Variants in TAF9B observed in about 807,000 individuals in gnomAD.
TAF9B encodes the protein transcription initiation factor TFIID subunit 9B.
A neutral mutation model predicts 17.6 loss-of-function variants in TAF9B; 47 were observed. That is an observed-to-expected ratio of 2.68 (90% confidence interval 2.12 to 3.41). The LOEUF (loss-of-function observed/expected upper bound fraction) is 3.41. TAF9B is among the 30% of genes most tolerant of loss of function. The pLI, the probability that TAF9B is intolerant of heterozygous loss-of-function variation, is 0.00. For synonymous variants in TAF9B, 84 were observed against 68.7 expected, an observed-to-expected ratio of 1.22 and a Z score of -1.10; for missense variants, 218 against 189.3, an observed-to-expected ratio of 1.15 and a Z score of -0.89.
chrX:78,136,619 C>T (rs781822151), intron 5 of TAF9B, among the ~76,000 whole-genome samples: 4 of 111,700 alleles, frequency 3.6e-5, no homozygotes, highest in African/African-American at 9.8e-5. Flanking sequence ...TTATAGAAGG[C>T]GTAAAGTACA....
In TAF9B at chrX:78,130,935, G is replaced by GGAAAATGACACT. The variant is rs1214055454; in HGVS notation, c.*663_*674dup. ...GCATGTAGAGCATGTTTTAAAAATAGGAAAATGACACTGAGCTGTATTACC... is the reference window on the plus strand; with the variant it reads ...GCATGTAGAGCATGTTTTAAAAATAGGAAAATGACACTGAAAATGACACTGAGCTGTATTACC... On this transcript the variant is annotated 3_prime_UTR_variant, in exon 7 of 7. Transcript: ENST00000341864. The GGAAAATGACACT allele has an allele frequency of 3.1e-4, 35 of 111,753 alleles. No homozygotes were observed. Among genetic ancestry groups the GGAAAATGACACT allele is most frequent in the African/African-American group, 1.0e-3 (31 of 30,793 alleles). 9.2% of individuals were successfully genotyped at this position (111,753 alleles called of 1,213,427 possible).
rs2078411916 is a variant in TAF9B, at chrX:78,131,470, T to G, written c.*140A>C. 2.1e-6 allele frequency: 1 copy of G among 477,067 alleles called. No individual in the cohort carries two copies. The highest frequency in any genetic ancestry group is 4.0e-5 in the Admixed American group (1 of 25,120). The allele number at this position is 477,067 out of a possible 1,213,427, so 39.3% of individuals were successfully genotyped here. A position where few individuals can be genotyped will look rare whatever the true frequency, so the allele number is the denominator to read the frequency against. ...CATTTGTATGTTTACTAAAGAGATC[T>G]AACAGTTTTAACTGACGAAAAATAC... is the stretch of plus-strand genomic sequence containing the variant. On this transcript the variant is annotated 3_prime_UTR_variant, in exon 7 of 7. Transcript: ENST00000341864.
chrX:78,138,095 T>G lies in TAF9B; in HGVS notation c.137A>C (p.Tyr46Ser), dbSNP rs781956732. ...TGCATCATCCAGAATTGTAGTCACATAACCTATAAGAACAAAACAATCTTT... is the reference window on the plus strand; with the variant it reads ...TGCATCATCCAGAATTGTAGTCACAGAACCTATAAGAACAAAACAATCTTT... ...INQMLEFAFR[Y>S]VTTILDDAKI... The change falls in exon 3 of 7, where the codon TAT becomes TCT. Residue 46 changes from tyrosine to serine, a missense_variant. Transcript: ENST00000341864. 7 of 1,196,992 alleles carry G rather than the reference T, an allele frequency of 5.8e-6. No individual in the cohort carries two copies. The highest frequency in any genetic ancestry group is 1.1e-6 in the Non-Finnish European group (1 of 889,695).
In TAF9B at chrX:78,131,557, T is replaced by C. The variant is rs1557249452; in HGVS notation, c.*53A>G. 9.2e-7 allele frequency: 1 copy of C among 1,086,306 alleles called. No homozygotes were observed. Among genetic ancestry groups the C allele is most frequent in the African/African-American group, 1.8e-5 (1 of 54,812 alleles). The allele number at this position is 1,086,306 out of a possible 1,213,427, so 89.5% of individuals were successfully genotyped here. ...TCTAGAATATTCTAGTTCAGTATAC[T>C]GGGCTCAAAACCAACTTTCCTTTTG... On this transcript the variant is annotated 3_prime_UTR_variant, in exon 7 of 7. Transcript: ENST00000341864.
chrX:78,139,473 C>A, intron 1 of TAF9B, 88 bp downstream of exon 1: 1 of 1,162,408 alleles, frequency 8.6e-7, no homozygotes, highest in Admixed American at 2.3e-5. Flanking sequence ...AGCGTGCGAG[C>A]CGACCCTCAG....
rs782332640 is a variant in TAF9B at position 78,133,368 on chromosome X, G to T, written c.562C>A (p.Pro188Thr). ...TTGACAGGTGTGGACTGAGAAGGTG[G>T]AATCTGCACCGTAAATCTTTGGCTT... ...VTSQRFTVQI[P>T]PSQSTPVKPV... The change falls in exon 6 of 7, where the codon CCA becomes ACA. Residue 188 changes from proline (P) to threonine (T), a missense_variant. By Grantham distance (38) the Pro-to-Thr change is conservative. Transcript: ENST00000341864. The T allele has an allele frequency of 8.3e-7, 1 of 1,211,019 alleles. No individual in the cohort carries two copies. The highest frequency in any genetic ancestry group is 1.8e-5 in the South Asian group (1 of 56,977).
chrX:78,139,207 T>C (rs2078446383), intron 1 of TAF9B, among the ~76,000 whole-genome samples: 1 of 111,127 alleles, frequency 9.0e-6, no homozygotes, highest in East Asian at 2.8e-4. Context: ...CTCCAGCTGG[T>C]TGTCATTTTT....
chrX:78,134,107 T>C (rs782679656), intron 5 of TAF9B, among the ~76,000 whole-genome samples: 3 of 111,616 alleles, frequency 2.7e-5, no homozygotes, highest in Admixed American at 9.6e-5. Flanking sequence ...CAGAAAAATA[T>C]CTTGGAGATA....
intron 5 of TAF9B, among the ~76,000 whole-genome samples, chrX:78,135,139 G>C (rs1299526710): frequency 9.5e-6 from 1 of 104,933 alleles, no homozygotes; most frequent in Non-Finnish European, 2.0e-5. Flanking sequence ...TTTTAGTAGA[G>C]ACGGGGTTTC....
In TAF9B at chrX:78,137,879, A is replaced by G; in HGVS notation, c.275T>C (p.Leu92Ser). 5 of 1,196,495 alleles carry G rather than the reference A, an allele frequency of 4.2e-6. No homozygotes were observed. The highest frequency in any genetic ancestry group is 1.9e-5 in the South Asian group (1 of 53,904). ...SFTSPPPRDFLLDIARQKNQT... is the reference protein window; with the variant it reads ...SFTSPPPRDFSLDIARQKNQT... Reference sequence around the variant, plus strand: ...ATTTTTCTGCCTTGCGATATCCAGTAAAAACTTAAAAAAAAAATCCTTATT... The same window carrying G: ...ATTTTTCTGCCTTGCGATATCCAGTGAAAACTTAAAAAAAAAATCCTTATT... The change falls in exon 4 of 7, where the codon TTA becomes TCA. Residue 92 changes from leucine to serine, a missense_variant. Transcript: ENST00000341864.
chrX:78,134,732 C>T (rs1426554073), intron 5 of TAF9B, among the ~76,000 whole-genome samples: 1 of 111,470 alleles, frequency 9.0e-6, no homozygotes, highest in Non-Finnish European at 1.9e-5. Context: ...AGGATCAGTT[C>T]AAAGAATTTG....
intron 5 of TAF9B, among the ~76,000 whole-genome samples, chrX:78,133,673 A>G (rs2078423498): frequency 9.0e-6 from 1 of 111,650 alleles, no homozygotes; most frequent in Admixed American, 9.5e-5. Context: ...TCTGTAGCCT[A>G]CCTGCTTGAG....
At chrX:78,134,787 A>G (rs2078427800) in intron 5 of TAF9B, among the ~76,000 whole-genome samples, 1 of 111,501 alleles carries the variant, frequency 9.0e-6, no homozygotes, top group Non-Finnish European at 1.9e-5. Flanking sequence ...TTATAAAGAA[A>G]AAAGAAAACT....
intron 6 of TAF9B, among the ~76,000 whole-genome samples, chrX:78,132,657 G>T (rs1557249643): frequency 9.4e-6 from 1 of 106,805 alleles, no homozygotes; most frequent in East Asian, 3.0e-4. Flanking sequence ...TGTATCCTAT[G>T]AAGTAAAGGT....
At position 78,138,033 on chromosome X, in the gene TAF9B, C is replaced by G; in HGVS notation, c.199G>C (p.Asp67His). 2 of 1,209,674 alleles carry G rather than the reference C, an allele frequency of 1.7e-6. No homozygotes were observed. The highest frequency in any genetic ancestry group is 1.1e-6 in the Non-Finnish European group (1 of 894,437). ...YSSHAKKPNV[D>H]ADDVRLAIQC... is the part of the protein sequence containing the mutation. ...ATTGCCAGTCTCACATCATCTGCAT[C>G]AACATTAGGTTTCTTAGCATGGCTC... The change falls in exon 3 of 7, where the codon GAT (aspartate) becomes CAT (histidine). Residue 67 changes from aspartate to histidine, a missense_variant. Asp to His is a moderately conservative substitution (Grantham distance 81, BLOSUM62 -1). Transcript: ENST00000341864.
intron 4 of TAF9B, among the ~76,000 whole-genome samples, chrX:78,137,193 G>T (rs1360620973): frequency 8.9e-6 from 1 of 112,148 alleles, no homozygotes; most frequent in African/African-American, 3.2e-5. Context: ...AAATAGATAT[G>T]AATACGTATA....
intron 6 of TAF9B, among the ~76,000 whole-genome samples, chrX:78,133,079 A>G (rs1321851871): frequency 8.9e-6 from 1 of 111,969 alleles, no homozygotes; most frequent in Non-Finnish European, 1.9e-5. Flanking sequence ...TAGAAAGTTT[A>G]TAAATTTAAC....
rs782438211 is a variant in TAF9B at position 78,131,705 on chromosome X, TAAG to T, written c.658_660del (p.Leu220del). 12 of 1,208,671 alleles carry T rather than the reference TAAG, an allele frequency of 9.9e-6. No homozygotes were observed. In the East Asian group the frequency reaches 1.2e-4, roughly 12 times the overall value. ...TGTGACGAAACCATGTTGGTGGTAA[TAAG>T]AATATTTTTGGGCCCAATCATTGAA... On this transcript the variant is annotated inframe_deletion, in exon 7 of 7. Coordinates refer to ENST00000341864, the MANE Select transcript of TAF9B (RefSeq NM_015975.5).
intron 6 of TAF9B, among the ~76,000 whole-genome samples, chrX:78,132,642 G>T (rs1389651706): frequency 1.8e-5 from 2 of 109,936 alleles, no homozygotes; most frequent in Admixed American, 2.0e-4. Context: ...GTGTGTGTGT[G>T]TGTGTGTATC....
Sources: gnomAD v4.1 joint callset for allele counts (sites outside exome capture counted in the v4.1 genomes callset) on GRCh38, gnomAD v4.1.1 for gene constraint, MANE v1.5 for transcripts, NCBI Gene and HGNC (gene_info 2026-07-23, HGNC 2026-07-21) for gene names.